The following STXBP5L variants were observed in gnomAD, a reference collection of about 807,000 sequenced individuals.
STXBP5L encodes the protein syntaxin binding protein 5L, also known as syntaxin-binding protein 5-like.
Under a neutral mutation model 144.5 loss-of-function variants are expected in STXBP5L, and 65 were observed. That is an observed-to-expected ratio of 0.45 (90% CI 0.37 to 0.55). The LOEUF (loss-of-function observed/expected upper bound fraction) is 0.55, where lower values mean the gene tolerates loss of function less well. STXBP5L is among the 20% of genes least tolerant of loss of function. The probability of loss-of-function intolerance (pLI) is 0.00; values close to 1 mark genes in which losing one functional copy is unlikely to be tolerated. For synonymous variants in STXBP5L, 505 were observed against 469.6 expected, an observed-to-expected ratio of 1.08 and a Z score of -0.97; for missense variants, 1,298 against 1,405.5, an observed-to-expected ratio of 0.92 and a Z score of 1.22.
intron 5 of STXBP5L, among the ~76,000 whole-genome samples, chr3:121,091,549 A>C (rs913551646): frequency 7.2e-5 from 11 of 152,124 alleles, no homozygotes; most frequent in Middle Eastern, 3.4e-3. Context: ...GCATTTTTTC[A>C]TGTGTTTTTT....
chr3:121,052,178 C>G lies in STXBP5L; in HGVS notation c.470+6643C>G, dbSNP rs534256207. On this transcript the variant is annotated intron_variant, in intron 5 of 26. Transcript: ENST00000471454. ...CAAGGAGGAGCTGGTACCATTCCTT[C>G]TGAAACTATTCCAATCAATAGAAAA... is the stretch of plus-strand genomic sequence containing the variant. Among the ~76,000 whole-genome samples, 835 of 152,276 alleles carry G rather than the reference C, an allele frequency of 5.5e-3. 3 individuals carry two copies. The highest frequency in any genetic ancestry group is 7.1e-3 in the Non-Finnish European group (482 of 68,026).
intron 20 of STXBP5L, among the ~76,000 whole-genome samples, chr3:121,345,802 GTCT>G (rs1559999765): frequency 3.9e-5 from 6 of 152,006 alleles, no homozygotes; most frequent in Non-Finnish European, 2.9e-5. Flanking sequence ...CTGCATAGAA[GTCT>G]TCTTTTTTTA....
At chr3:121,285,607 T>C (rs1406917293) in intron 19 of STXBP5L, among the ~76,000 whole-genome samples, 1 of 152,102 alleles carries the variant, frequency 6.6e-6, no homozygotes, top group Non-Finnish European at 1.5e-5. Flanking sequence ...AATTTTGTAG[T>C]TGAAAGAAAA....
chr3:121,144,321 T>C (rs1399110375), intron 7 of STXBP5L, among the ~76,000 whole-genome samples: 1 of 151,792 alleles, frequency 6.6e-6, no homozygotes, highest in African/African-American at 2.4e-5. Flanking sequence ...TTAGATTTTA[T>C]ATAAGTCCTA....
chr3:121,027,866 A>G (rs1158065507), intron 3 of STXBP5L, among the ~76,000 whole-genome samples: 1 of 152,054 alleles, frequency 6.6e-6, no homozygotes, highest in Non-Finnish European at 1.5e-5. Context: ...ACTGATAGTC[A>G]CCCTATATTT....
At chr3:120,928,799 C>T (rs896799556) in intron 2 of STXBP5L, among the ~76,000 whole-genome samples, 18 of 152,188 alleles carry the variant, frequency 1.2e-4, no homozygotes, top group Middle Eastern at 3.4e-3. Context: ...ATACTTCAAA[C>T]ATGCAGATGC....
chr3:121,137,706 A>G (rs138817376), intron 7 of STXBP5L, among the ~76,000 whole-genome samples: 1 of 152,324 alleles, frequency 6.6e-6, no homozygotes, highest in African/African-American at 2.4e-5. Flanking sequence ...TACACGGAGA[A>G]AAGGCATATG....
intron 3 of STXBP5L, among the ~76,000 whole-genome samples, chr3:120,980,305 C>G (rs926004299): frequency 4.6e-5 from 7 of 152,108 alleles, no homozygotes; most frequent in African/African-American, 1.7e-4. Flanking sequence ...CTGTTTAATG[C>G]TGTCAGTGGG....
At chr3:121,301,710 G>A (rs1368942574) in intron 19 of STXBP5L, among the ~76,000 whole-genome samples, 1 of 152,250 alleles carries the variant, frequency 6.6e-6, no homozygotes, top group East Asian at 1.9e-4. Flanking sequence ...ATTATTTTGA[G>A]ATATGTCCCA....
At chr3:120,972,571 C>A (rs1452890137) in intron 3 of STXBP5L, among the ~76,000 whole-genome samples, 2 of 151,894 alleles carry the variant, frequency 1.3e-5, no homozygotes, top group African/African-American at 4.8e-5. Flanking sequence ...TTCTTTCTCT[C>A]TTTTGTTACT....
At chr3:121,400,806 AATC>A (rs2046854048) in intron 22 of STXBP5L, among the ~76,000 whole-genome samples, 1 of 152,288 alleles carries the variant, frequency 6.6e-6, no homozygotes, top group East Asian at 1.9e-4. Flanking sequence ...CCCTGTGAAT[AATC>A]ATTTCATAGC....
intron 3 of STXBP5L, among the ~76,000 whole-genome samples, chr3:120,965,350 T>C (rs1031662850): frequency 6.6e-6 from 1 of 152,232 alleles, no homozygotes; most frequent in Non-Finnish European, 1.5e-5. Context: ...GTCAGCTAAT[T>C]GATGCAGTTT....
intron 19 of STXBP5L, among the ~76,000 whole-genome samples, chr3:121,298,526 G>GATGA (rs1348317129): frequency 4.6e-5 from 7 of 152,290 alleles, no homozygotes; most frequent in South Asian, 2.1e-4. Flanking sequence ...TCTGCAGACA[G>GATGA]ATGAATGAAT....
chr3:121,004,776 G>T (rs571031940), intron 3 of STXBP5L, among the ~76,000 whole-genome samples: 7 of 152,182 alleles, frequency 4.6e-5, no homozygotes, highest in East Asian at 3.9e-4. Flanking sequence ...GTTGAATTTT[G>T]TCAAAGGCCT....
At chr3:121,050,801 A>G (rs1165102507) in intron 5 of STXBP5L, among the ~76,000 whole-genome samples, 6 of 152,224 alleles carry the variant, frequency 3.9e-5, no homozygotes, top group African/African-American at 1.4e-4. Flanking sequence ...AATTGGATAA[A>G]GAGTCAAGAC....
chr3:121,199,997 C>T (rs1248147046), intron 9 of STXBP5L, among the ~76,000 whole-genome samples: 1 of 152,004 alleles, frequency 6.6e-6, no homozygotes, highest in Non-Finnish European at 1.5e-5. Context: ...GCTGGCCTCA[C>T]AAAATGAGTT....
intron 3 of STXBP5L, among the ~76,000 whole-genome samples, chr3:121,028,626 G>A (rs1259278141): frequency 6.6e-6 from 1 of 152,072 alleles, no homozygotes; most frequent in Admixed American, 6.6e-5. Context: ...TCAAAAATAA[G>A]ATTATCATTT....
intron 2 of STXBP5L, among the ~76,000 whole-genome samples, chr3:120,953,028 G>A (rs1711372217): frequency 6.6e-6 from 1 of 151,696 alleles, no homozygotes; most frequent in African/African-American, 2.4e-5. Flanking sequence ...TCGAACTCCT[G>A]GGCTCAAGTG....
chr3:121,042,320 TGAG>T (rs1947216287), intron 4 of STXBP5L, among the ~76,000 whole-genome samples: 1 of 152,186 alleles, frequency 6.6e-6, no homozygotes, highest in Non-Finnish European at 1.5e-5. Context: ...ATTATGGTGA[TGAG>T]GAACTCTCTA....
Sources: gnomAD v4.1 joint callset for allele counts (sites outside exome capture counted in the v4.1 genomes callset) on GRCh38, gnomAD v4.1.1 for gene constraint, MANE v1.5 for transcripts, NCBI Gene and HGNC (gene_info 2026-07-23, HGNC 2026-07-21) for gene names.